Variants in LMBR1 observed in about 807,000 individuals in gnomAD.
LMBR1 encodes the protein limb region 1 protein homolog.
LMBR1 carries 52 observed loss-of-function variants against 73.9 expected under a neutral mutation model. The ratio of observed to expected loss-of-function variants is 0.70; its 90% CI spans 0.56 to 0.89. The LOEUF is 0.89. LMBR1 is among the 40% of genes least tolerant of loss of function. LMBR1 has a pLI of 0.00. For missense variants in LMBR1, 539 were observed against 579.8 expected (o/e 0.93, Z 0.72); for synonymous variants, 215 against 209.4 (o/e 1.03, Z -0.23).
intron 1 of LMBR1, among the ~76,000 whole-genome samples, chr7:156,842,735 T>C (rs1586173936): frequency 6.6e-6 from 1 of 152,118 alleles, no homozygotes; most frequent in South Asian, 2.1e-4. Flanking sequence ...CAAGGTAAGA[T>C]TAAATGGCCT....
intron 4 of LMBR1, 55 bp downstream of exon 4, chr7:156,826,550 G>C (rs1008076146): frequency 1.8e-6 from 2 of 1,121,164 alleles, no homozygotes; most frequent in African/African-American, 3.2e-5. Flanking sequence ...TAAAAATATG[G>C]TGCAGTAAAA....
intron 4 of LMBR1, among the ~76,000 whole-genome samples, chr7:156,804,726 T>C (rs1400931543): frequency 2.0e-5 from 3 of 152,172 alleles, no homozygotes; most frequent in Non-Finnish European, 2.9e-5. Context: ...ACAAGTTCTT[T>C]ATGGGCTCTG....
chr7:156,832,036 A>G (rs1836787596), intron 3 of LMBR1, among the ~76,000 whole-genome samples: 1 of 152,232 alleles, frequency 6.6e-6, no homozygotes, highest in Non-Finnish European at 1.5e-5. Context: ...AAAATGATTC[A>G]CTTAATTTTC....
At chr7:156,774,775 T>C (rs1260963111) in intron 5 of LMBR1, among the ~76,000 whole-genome samples, 4 of 151,970 alleles carry the variant, frequency 2.6e-5, no homozygotes, top group Non-Finnish European at 5.9e-5. Context: ...AAGGTTGCAG[T>C]GAGCCAAGAT....
chr7:156,747,394 A>C (rs1315720613), intron 9 of LMBR1, among the ~76,000 whole-genome samples: 1 of 152,176 alleles, frequency 6.6e-6, no homozygotes, highest in Non-Finnish European at 1.5e-5. Context: ...AGAATTTCCC[A>C]AAGTCCAGTA....
chr7:156,672,972 C>T (rs892025064), downstream of LMBR1, among the ~76,000 whole-genome samples: 4 of 152,238 alleles, frequency 2.6e-5, no homozygotes, highest in Non-Finnish European at 4.4e-5. Flanking sequence ...GGGCTCACCC[C>T]GCGGACTGTG....
intron 9 of LMBR1, among the ~76,000 whole-genome samples, chr7:156,748,284 AT>A (rs1182267469): frequency 7.2e-5 from 11 of 152,214 alleles, no homozygotes; most frequent in Non-Finnish European, 1.0e-4. Flanking sequence ...GGAACATTAT[AT>A]AATGCTAGGT....
chr7:156,729,964 G>C lies in LMBR1; in HGVS notation c.839-1244C>G, dbSNP rs536953256. Among the ~76,000 whole-genome samples, 4 of 152,310 alleles carry C rather than the reference G, an allele frequency of 2.6e-5. No individual in the cohort carries two copies. In the South Asian group the frequency reaches 8.3e-4, roughly 32 times the overall value. On this transcript the variant is annotated intron_variant, in intron 10 of 16. Coordinates refer to ENST00000353442, the MANE Select transcript of LMBR1 (RefSeq NM_022458.4). ...ATGAAAATTGAGGGGCCAATATTCTGTGAAGTAAACTGAGCTAAGACCTCC... is the reference window on the plus strand; with the variant it reads ...ATGAAAATTGAGGGGCCAATATTCTCTGAAGTAAACTGAGCTAAGACCTCC...
intron 1 of LMBR1, among the ~76,000 whole-genome samples, chr7:156,857,819 C>A (rs1464403186): frequency 6.6e-6 from 1 of 151,952 alleles, no homozygotes; most frequent in Admixed American, 6.6e-5. Flanking sequence ...TGGAAAACTT[C>A]TTGGAGATTA....
intron 9 of LMBR1, among the ~76,000 whole-genome samples, chr7:156,755,131 T>C (rs1367775272): frequency 3.3e-5 from 5 of 152,246 alleles, no homozygotes; most frequent in Non-Finnish European, 1.5e-5. Flanking sequence ...CTCTTCTCTG[T>C]AACATTTCTA....
chr7:156,875,487 T>C (rs1800024829), intron 1 of LMBR1, among the ~76,000 whole-genome samples: 1 of 152,096 alleles, frequency 6.6e-6, no homozygotes, highest in African/African-American at 2.4e-5. Flanking sequence ...AAATTAATCG[T>C]AAAAAGATCA....
chr7:156,755,661 TTAAG>T (rs1289916886), intron 9 of LMBR1, among the ~76,000 whole-genome samples: 4 of 152,254 alleles, frequency 2.6e-5, no homozygotes, highest in South Asian at 2.1e-4. Flanking sequence ...AACATTAGTT[TTAAG>T]TAAGTTAGAA....
Position 156,682,126 on chromosome 7 carries a change from G to A in LMBR1, c.*1952C>T, listed in dbSNP as rs539472606. On this transcript the variant is annotated 3_prime_UTR_variant, in exon 17 of 17. Coordinates refer to ENST00000353442, the MANE Select transcript of LMBR1 (RefSeq NM_022458.4). ...TGAGGATGCCTCCAGGAAGTGTATTGTACTCAGGGCTTACAAATCCAAAAC... is the reference window on the plus strand; with the variant it reads ...TGAGGATGCCTCCAGGAAGTGTATTATACTCAGGGCTTACAAATCCAAAAC... 1.3e-5 allele frequency: 2 copies of A among 152,372 alleles called. No homozygotes were observed. Among genetic ancestry groups the A allele is most frequent in the East Asian group, 3.9e-4 (2 of 5,192 alleles). 9.4% of individuals were successfully genotyped at this position (152,372 alleles called of 1,614,324 possible). A position where few individuals can be genotyped will look rare whatever the true frequency, so the allele number is the denominator to read the frequency against.
At chr7:156,718,663 G>C (rs1813770420) in intron 15 of LMBR1, among the ~76,000 whole-genome samples, 1 of 152,154 alleles carries the variant, frequency 6.6e-6, no homozygotes, top group African/African-American at 2.4e-5. Context: ...CTTGAGCCCA[G>C]GAAGTTGAGG....
intron 5 of LMBR1, among the ~76,000 whole-genome samples, chr7:156,779,296 G>T (rs1194731330): frequency 6.6e-6 from 1 of 152,114 alleles, no homozygotes; most frequent in Non-Finnish European, 1.5e-5. Context: ...CCTTCCTTCT[G>T]ATTAAAATTG....
chr7:156,820,603 G>A (rs1834613516), intron 4 of LMBR1, among the ~76,000 whole-genome samples: 2 of 152,172 alleles, frequency 1.3e-5, no homozygotes, highest in South Asian at 4.1e-4. Context: ...GTGTTGTAGG[G>A]TATATGGAGA....
chr7:156,805,174 C>T (rs1831787385), intron 4 of LMBR1, among the ~76,000 whole-genome samples: 1 of 149,440 alleles, frequency 6.7e-6, no homozygotes, highest in African/African-American at 2.5e-5. Flanking sequence ...ACAGTCTATT[C>T]TGCTGATTTG....
intron 15 of LMBR1, among the ~76,000 whole-genome samples, chr7:156,689,030 G>T (rs1054665091): frequency 6.6e-6 from 1 of 152,054 alleles, no homozygotes; most frequent in African/African-American, 2.4e-5. Context: ...TCTAATATAT[G>T]CATTGAAGTT....
chr7:156,752,580 C>A (rs1199788882), intron 9 of LMBR1, among the ~76,000 whole-genome samples: 1 of 152,120 alleles, frequency 6.6e-6, no homozygotes, highest in East Asian at 1.9e-4. Flanking sequence ...GTGAGGGGAG[C>A]TGCAGGGAGG....
Sources: allele counts gnomAD v4.1 joint callset (sites outside exome capture counted in the v4.1 genomes callset), GRCh38; gene constraint gnomAD v4.1.1; transcripts MANE v1.5; gene names NCBI Gene and HGNC (gene_info 2026-07-23, HGNC 2026-07-21).